The following MBOAT7 variants were observed in gnomAD, a reference collection of about 807,000 sequenced individuals.
MBOAT7 encodes membrane-bound acylglycerophosphatidylinositol O-acyltransferase MBOAT7.
In MBOAT7, 40 loss-of-function variants were observed where a neutral mutation model predicts 47.4. The observed-to-expected ratio is 0.84, with a 90% CI of 0.66 to 1.10. The LOEUF (loss-of-function observed/expected upper bound fraction) is 1.10, where lower values mean the gene tolerates loss of function less well. Among genes scored for constraint, MBOAT7 ranks in the 50% least tolerant of loss-of-function variants. The pLI is 0.00. For missense variants in MBOAT7, 680 were observed against 655.6 expected (o/e 1.04, Z -0.41); for synonymous variants, 361 against 292.0 (o/e 1.24, Z -2.41).
At chr19:54,175,224 C>T (rs540705565) in intron 7 of MBOAT7, among the ~76,000 whole-genome samples, 59 of 152,258 alleles carry the variant, frequency 3.9e-4, no homozygotes, top group East Asian at 9.7e-4. Flanking sequence ...GTGATCTGCC[C>T]GCCTTGGCCT....
At position 54,183,632 on chromosome 19, in the gene MBOAT7, T is replaced by C; in HGVS notation, c.382A>G (p.Lys128Glu). 6.2e-7 allele frequency: 1 copy of C among 1,602,732 alleles called. No individual in the cohort carries two copies. The change falls in exon 5 of 8, where the codon AAG becomes GAG. Residue 128 changes from lysine to glutamate, a missense_variant. Physicochemically the swap from Lys to Glu is moderately conservative, Grantham distance 56 (BLOSUM62 1). Coordinates refer to ENST00000245615, the MANE Select transcript of MBOAT7 (RefSeq NM_024298.5). The stretch of plus-strand genomic sequence containing the variant: ...TTGCTGAAGCCTGAGGCCATTTCCT[T>C]CCTCTGGGCCAGATGCAGGTCCTGG... ...EVQDLHLAQRKEMASGFSKGP... is the reference protein window; with the variant it reads ...EVQDLHLAQREEMASGFSKGP...
At chr19:54,175,014 C>T (rs1347856997) in intron 7 of MBOAT7, among the ~76,000 whole-genome samples, 18 of 140,424 alleles carry the variant, frequency 1.3e-4, no homozygotes, top group East Asian at 4.5e-4. Flanking sequence ...CTCGCTCTGT[C>T]GCCCAGGCTA....
intron 4 of MBOAT7, among the ~76,000 whole-genome samples, chr19:54,185,980 G>A (rs2076418889): frequency 8.0e-6 from 1 of 125,440 alleles, no homozygotes; most frequent in Non-Finnish European, 1.8e-5. Flanking sequence ...ACAGGCGTGA[G>A]CCACCCGCAG....
intron 5 of MBOAT7, among the ~76,000 whole-genome samples, chr19:54,182,833 T>C (rs1002939225): frequency 2.0e-5 from 3 of 152,060 alleles, no homozygotes; most frequent in Non-Finnish European, 4.4e-5. Context: ...CCCAAGTAGC[T>C]GGGATTACAG....
chr19:54,177,854 G>A (rs2076150703), intron 7 of MBOAT7, among the ~76,000 whole-genome samples: 1 of 146,388 alleles, frequency 6.8e-6, no homozygotes, highest in Non-Finnish European at 1.5e-5. Context: ...CAAACTGCTG[G>A]GATTACAAGT....
rs761565984 is a variant in MBOAT7, at chr19:54,177,900, GTTTTT to G, written c.1031+860_1031+864del. ...ATGCCTGGCTATGAGTTCTACTTCTGTTTTTTTTTTTTTTTTTTTTTTTTTTTTTT... is the reference window on the plus strand; with the variant it reads ...ATGCCTGGCTATGAGTTCTACTTCTGTTTTTTTTTTTTTTTTTTTTTTTTT... On this transcript the variant is annotated intron_variant, in intron 7 of 7. Coordinates refer to ENST00000245615, the MANE Select transcript of MBOAT7 (RefSeq NM_024298.5). Among the ~76,000 whole-genome samples, 10 of 75,996 alleles carry G rather than the reference GTTTTT, an allele frequency of 1.3e-4. 1 individual carries two copies. Among genetic ancestry groups the G allele is most frequent in the African/African-American group, 5.1e-4 (9 of 17,762 alleles). 49.9% of individuals were successfully genotyped at this position (75,996 alleles called of 152,430 possible). A position where few individuals can be genotyped will look rare whatever the true frequency, so the allele number is the denominator to read the frequency against.
Position 54,173,907 on chromosome 19 carries a change from C to T in MBOAT7, c.*137G>A. On this transcript the variant is annotated 3_prime_UTR_variant, in exon 8 of 8. Transcript: ENST00000245615. The stretch of plus-strand genomic sequence containing the variant: ...GACACCCCCGGGTCTGCTTCAGTTG[C>T]AGGCAGGGTATTTAGCTGGGGAAGA... The T allele has an allele frequency of 9.0e-7, 1 of 1,110,800 alleles. No homozygotes were observed. Among genetic ancestry groups the T allele is most frequent in the Non-Finnish European group, 1.2e-6 (1 of 809,316 alleles). The allele number at this position is 1,110,800 out of a possible 1,614,324, so 68.8% of individuals were successfully genotyped here. A position where few individuals can be genotyped will look rare whatever the true frequency, so the allele number is the denominator to read the frequency against.
intron 5 of MBOAT7, among the ~76,000 whole-genome samples, chr19:54,182,889 C>T (rs1437830971): frequency 2.6e-5 from 4 of 151,968 alleles, no homozygotes; most frequent in African/African-American, 4.8e-5. Flanking sequence ...TCAGTAGAGA[C>T]GGGGTTTCAC....
At chr19:54,188,571 C>T (rs2076528714) in intron 1 of MBOAT7, 60 bp from the exon 2 acceptor site, 4 of 1,492,116 alleles carry the variant, frequency 2.7e-6, no homozygotes, top group Non-Finnish European at 3.6e-6. Flanking sequence ...CTGCCTCCTC[C>T]CTCTTCGAGG....
intron 3 of MBOAT7, among the ~76,000 whole-genome samples, chr19:54,187,666 G>C (rs538600322): frequency 6.6e-6 from 1 of 152,330 alleles, no homozygotes; most frequent in African/African-American, 2.4e-5. Flanking sequence ...CCATGACATG[G>C]ATGTAGCGGA....
chr19:54,182,562 G>A (rs991504756), intron 5 of MBOAT7, among the ~76,000 whole-genome samples: 2 of 151,226 alleles, frequency 1.3e-5, no homozygotes, highest in Non-Finnish European at 2.9e-5. Context: ...GGATGAGTAT[G>A]TGAATTAGAG....
chr19:54,181,066 G>A lies in MBOAT7; in HGVS notation c.561C>T (p.Ser187=), dbSNP rs1323390066. Residue 187 remains serine, a synonymous_variant, in exon 6 of 8, where the codon AGC becomes AGT. Transcript: ENST00000245615. ...AGGCGCGGCGCAGCAGGGGCCGCAG[G>A]CTGGGCACTGCCCCGGGGAAGGGCT... The part of the protein sequence containing the change: ...LEQPFPGAVP[S]LRPLLRRAWP... The A allele has an allele frequency of 2.0e-6, 3 of 1,534,402 alleles. No individual in the cohort carries two copies. The highest frequency in any genetic ancestry group is 2.6e-6 in the Non-Finnish European group (3 of 1,140,380).
intron 4 of MBOAT7, 145 bp from the exon 5 acceptor site, chr19:54,183,825 C>T: frequency 1.3e-6 from 1 of 772,376 alleles, no homozygotes; most frequent in Non-Finnish European, 1.9e-6. Context: ...ACGCCTCTAG[C>T]TGGGCGGTGT....
At chr19:54,175,348 A>C (rs935040464) in intron 7 of MBOAT7, among the ~76,000 whole-genome samples, 1 of 152,064 alleles carries the variant, frequency 6.6e-6, no homozygotes, top group East Asian at 1.9e-4. Context: ...GAGACATACA[A>C]ATCCTTGTCC....
At chr19:54,189,171 C>T (rs2076554322) in intron 1 of MBOAT7, 167 bp downstream of exon 1, 1 of 153,542 alleles carries the variant, frequency 6.5e-6, no homozygotes, top group Non-Finnish European at 1.5e-5. Flanking sequence ...CCAGGCCCAG[C>T]CCCAACCCGT....
chr19:54,181,191 T>C, intron 5 of MBOAT7, 58 bp from the exon 6 acceptor site: 1 of 1,440,058 alleles, frequency 6.9e-7, no homozygotes, highest in Non-Finnish European at 9.1e-7. Context: ...AGCTCAAGTC[T>C]GCAGGAGGAG....
rs189840143 is a variant in MBOAT7, at chr19:54,187,544, T to C, written c.207-257A>G. The stretch of plus-strand genomic sequence containing the variant: ...TAAGAGAAGCTTCGGGTGAAGACCC[T>C]GCAATCCTCCACTTTTTCTTTATTT... On this transcript the variant is annotated intron_variant, in intron 3 of 7. Coordinates refer to ENST00000245615, the MANE Select transcript of MBOAT7 (RefSeq NM_024298.5). 3.9e-5 allele frequency among the ~76,000 whole-genome samples: 6 copies of C among 152,338 alleles called. No homozygotes were observed. The East Asian group carries it at 1.2e-3, about 29-fold the overall frequency.
chr19:54,187,555 A>C (rs1481831193), intron 3 of MBOAT7, among the ~76,000 whole-genome samples: 2 of 152,198 alleles, frequency 1.3e-5, no homozygotes, highest in African/African-American at 2.4e-5. Context: ...GCAATCCTCC[A>C]CTTTTTCTTT....
chr19:54,186,756 G>A (rs185254625), intron 4 of MBOAT7, among the ~76,000 whole-genome samples: 7 of 152,278 alleles, frequency 4.6e-5, no homozygotes, highest in Admixed American at 3.3e-4. Context: ...CCTCTTCCCA[G>A]GTGATTAGGA....
Sources: gnomAD v4.1 joint callset for allele counts (sites outside exome capture counted in the v4.1 genomes callset) on GRCh38, gnomAD v4.1.1 for gene constraint, MANE v1.5 for transcripts, NCBI Gene and HGNC (gene_info 2026-07-23, HGNC 2026-07-21) for gene names.